The following IGF1 variants were observed in gnomAD, a reference collection of about 807,000 sequenced individuals.
The protein encoded by IGF1 is insulin like growth factor 1.
IGF1 carries 4 observed loss-of-function variants against 13.8 expected under a neutral mutation model. The ratio of observed to expected loss-of-function variants is 0.29; its 90% CI spans 0.14 to 0.66. The LOEUF (loss-of-function observed/expected upper bound fraction) is 0.66, where lower values mean the gene tolerates loss of function less well. Among genes scored for constraint, IGF1 ranks in the 30% least tolerant of loss-of-function variants. IGF1 has a pLI of 0.78. For synonymous variants in IGF1, 76 were observed against 72.6 expected (o/e 1.05, Z -0.23); for missense variants, 124 against 188.5 (o/e 0.66, Z 2.00).
chr12:102,455,407 A>ATT (rs1448465337), intron 2 of IGF1, among the ~76,000 whole-genome samples: 2 of 152,218 alleles, frequency 1.3e-5, no homozygotes, highest in African/African-American at 2.4e-5. Flanking sequence ...TATTCAATAT[A>ATT]TTTCTTTATG....
intron 2 of IGF1, among the ~76,000 whole-genome samples, chr12:102,474,757 C>T (rs966167784): frequency 2.6e-5 from 4 of 152,228 alleles, no homozygotes; most frequent in Non-Finnish European, 5.9e-5. Context: ...TTAAATCTTT[C>T]TCTGTCCTAT....
intron 2 of IGF1, among the ~76,000 whole-genome samples, chr12:102,420,597 A>G (rs995253534): frequency 6.6e-6 from 1 of 152,156 alleles, no homozygotes; most frequent in Non-Finnish European, 1.5e-5. Flanking sequence ...GAAACTAATT[A>G]CAATACCAAT....
intron 2 of IGF1, among the ~76,000 whole-genome samples, chr12:102,471,010 C>T (rs913422820): frequency 1.6e-4 from 24 of 152,152 alleles, no homozygotes; most frequent in Admixed American, 5.9e-4. Context: ...TTTCATGAAG[C>T]GTGTGCTTCT....
At chr12:102,408,901 T>C (rs1218772309) in intron 3 of IGF1, among the ~76,000 whole-genome samples, 2 of 152,246 alleles carry the variant, frequency 1.3e-5, no homozygotes, top group Non-Finnish European at 2.9e-5. Context: ...TGGCTTTGCC[T>C]ATCCTCCCCT....
At chr12:102,450,079 C>A (rs373119267) in intron 2 of IGF1, among the ~76,000 whole-genome samples, 4 of 152,280 alleles carry the variant, frequency 2.6e-5, no homozygotes, top group African/African-American at 9.6e-5. Flanking sequence ...GGAGAAAATC[C>A]ATCCTGAGTA....
chr12:102,481,414 AGT>A (rs1881388001), upstream of IGF1, among the ~76,000 whole-genome samples: 1 of 149,334 alleles, frequency 6.7e-6, no homozygotes, highest in African/African-American at 2.5e-5. Flanking sequence ...TGTGTGCCAG[AGT>A]GTGTTTTCTT....
intron 2 of IGF1, chr12:102,463,564 C>T (rs1256377274): frequency 6.6e-6 from 1 of 152,062 alleles, no homozygotes; most frequent in African/African-American, 2.4e-5. Flanking sequence ...ACAGTCAGGT[C>T]GATCAGATTT....
intron 3 of IGF1, among the ~76,000 whole-genome samples, chr12:102,408,870 T>G (rs977411475): frequency 2.0e-5 from 3 of 152,228 alleles, no homozygotes; most frequent in Non-Finnish European, 4.4e-5. Context: ...CCCTTGGGGT[T>G]AGGCTTGCCT....
chr12:102,407,450 G>A (rs1874273565), intron 3 of IGF1, among the ~76,000 whole-genome samples: 1 of 152,150 alleles, frequency 6.6e-6, no homozygotes, highest in Admixed American at 6.5e-5. Flanking sequence ...ACTTCTCTCA[G>A]GGATAAGTAC....
At chr12:102,425,567 T>C (rs1214545071) in intron 2 of IGF1, among the ~76,000 whole-genome samples, 2 of 152,230 alleles carry the variant, frequency 1.3e-5, no homozygotes, top group Non-Finnish European at 2.9e-5. Context: ...AGCAGAGTTC[T>C]ATGGGGCTGC....
At chr12:102,451,677 C>T (rs1043979795) in intron 2 of IGF1, among the ~76,000 whole-genome samples, 1 of 152,192 alleles carries the variant, frequency 6.6e-6, no homozygotes, top group Non-Finnish European at 1.5e-5. Flanking sequence ...CCCTTCCTTG[C>T]TATTGTTTGG....
At chr12:102,425,046 T>C (rs1191724926) in intron 2 of IGF1, among the ~76,000 whole-genome samples, 2 of 152,242 alleles carry the variant, frequency 1.3e-5, no homozygotes, top group African/African-American at 4.8e-5. Context: ...TACACACATA[T>C]ACTCAAACAC....
At chr12:102,420,345 C>T (rs1377229309) in intron 2 of IGF1, among the ~76,000 whole-genome samples, 1 of 152,210 alleles carries the variant, frequency 6.6e-6, no homozygotes, top group Non-Finnish European at 1.5e-5. Context: ...CTGGAAAAGT[C>T]ACTAAGCTCT....
chr12:102,402,849 A>G (rs1169874983), intron 3 of IGF1, among the ~76,000 whole-genome samples: 2 of 152,176 alleles, frequency 1.3e-5, no homozygotes, highest in South Asian at 4.1e-4. Flanking sequence ...CTTCTATCAC[A>G]GATTCATTGA....
At chr12:102,472,785 G>A (rs1880766709) in intron 2 of IGF1, among the ~76,000 whole-genome samples, 5 of 152,140 alleles carry the variant, frequency 3.3e-5, no homozygotes, top group Admixed American at 2.6e-4. Flanking sequence ...GATGCCTGTA[G>A]GAATAATTGG....
At chr12:102,463,055 C>G (rs1490490724) in intron 2 of IGF1, 1 of 152,112 alleles carries the variant, frequency 6.6e-6, no homozygotes, top group African/African-American at 2.4e-5. Context: ...TAGATAAAGT[C>G]GCAGCTGAAA....
In IGF1 at chr12:102,396,851, T is replaced by C. The variant is rs1873232009; in HGVS notation, c.*5656A>G. 2.5e-6 allele frequency: 1 copy of C among 397,604 alleles called. No individual in the cohort carries two copies. The allele number at this position is 397,604 out of a possible 1,614,324, so 24.6% of individuals were successfully genotyped here. On this transcript the variant is annotated 3_prime_UTR_variant, in exon 4 of 4. Coordinates refer to ENST00000337514, the MANE Select transcript of IGF1 (RefSeq NM_000618.5). Reference sequence around the variant, plus strand: ...TCCCCTTGAAAGACCCCATCAAAGATAGTTGAAGAATGAGGAGAGAAGGAT... The same window carrying C: ...TCCCCTTGAAAGACCCCATCAAAGACAGTTGAAGAATGAGGAGAGAAGGAT...
chr12:102,451,335 T>C (rs1460919120), intron 2 of IGF1, among the ~76,000 whole-genome samples: 4 of 152,242 alleles, frequency 2.6e-5, no homozygotes, highest in Non-Finnish European at 4.4e-5. Flanking sequence ...AATGTGAGAA[T>C]TACTGAGCGC....
intron 2 of IGF1, among the ~76,000 whole-genome samples, chr12:102,431,012 C>T (rs1315521900): frequency 6.6e-5 from 10 of 152,184 alleles, no homozygotes; most frequent in Admixed American, 4.6e-4. Flanking sequence ...AAACCAAATT[C>T]CTCTCTTGTG....
Sources: allele counts gnomAD v4.1 joint callset (sites outside exome capture counted in the v4.1 genomes callset), GRCh38; gene constraint gnomAD v4.1.1; transcripts MANE v1.5; gene names NCBI Gene and HGNC (gene_info 2026-07-23, HGNC 2026-07-21).